Variants in ZFX observed in about 807,000 individuals in gnomAD.
The protein encoded by ZFX is zinc finger X-chromosomal protein.
For missense variants in ZFX, 362 were observed against 628.3 expected, an observed-to-expected ratio of 0.58 and a Z score of 4.53; for synonymous variants, 196 against 226.8, an observed-to-expected ratio of 0.86 and a Z score of 1.22.
At chrX:24,202,691 C>T (rs1206134135) in intron 5 of ZFX, among the ~76,000 whole-genome samples, 1 of 111,989 alleles carries the variant, frequency 8.9e-6, no homozygotes, top group Non-Finnish European at 1.9e-5. Context: ...CCTCACACTG[C>T]AGATTCTCAC....
At chrX:24,180,636 G>A (rs1935603517) in intron 5 of ZFX, among the ~76,000 whole-genome samples, 1 of 111,630 alleles carries the variant, frequency 9.0e-6, no homozygotes, top group South Asian at 3.7e-4. Context: ...GCCTGCCTTG[G>A]CCTTCCAAAG....
intron 5 of ZFX, 81 bp from the exon 6 acceptor site, chrX:24,207,245 A>ATTT (rs78241704): frequency 0.04 from 29,548 of 734,846 alleles, 290 homozygotes; most frequent in Middle Eastern, 0.055. Flanking sequence ...AAAAAAAAAA[A>ATTT]TTTTTTTTTT....
chrX:24,159,600 G>T (rs1351178745), intron 3 of ZFX, among the ~76,000 whole-genome samples: 1 of 110,783 alleles, frequency 9.0e-6, no homozygotes, highest in African/African-American at 3.3e-5. Flanking sequence ...TCAGCCTCCT[G>T]AGTAGCTGGA....
rs891753202 is a variant in ZFX at position 24,214,332 on chromosome X, G to C, written c.*2956G>C. The C allele has an allele frequency of 5.4e-5, 6 of 111,566 alleles. No individual in the cohort carries two copies. Among genetic ancestry groups the C allele is most frequent in the Non-Finnish European group, 1.1e-4 (6 of 52,949 alleles). 9.2% of individuals were successfully genotyped at this position (111,566 alleles called of 1,213,427 possible). Reference sequence around the variant, plus strand: ...AATACATAAAAAGAAAATCATATAGGGATGTGTGACATTATTGTAATTGTG... The same window carrying C: ...AATACATAAAAAGAAAATCATATAGCGATGTGTGACATTATTGTAATTGTG... On this transcript the variant is annotated 3_prime_UTR_variant, in exon 10 of 10. Transcript: ENST00000304543.
chrX:24,185,796 TGGC>T (rs1936059326), intron 5 of ZFX, among the ~76,000 whole-genome samples: 1 of 111,519 alleles, frequency 9.0e-6, no homozygotes, highest in Non-Finnish European at 1.9e-5. Context: ...TCGGGCACAA[TGGC>T]TTATGCCTGT....
intron 5 of ZFX, among the ~76,000 whole-genome samples, chrX:24,185,908 T>G (rs1308492932): frequency 2.8e-5 from 3 of 109,023 alleles, no homozygotes; most frequent in Non-Finnish European, 5.7e-5. Flanking sequence ...TACTCCAGCC[T>G]GGGCGACAGA....
At chrX:24,153,658 G>A (rs1172451708) in intron 3 of ZFX, among the ~76,000 whole-genome samples, 2 of 111,530 alleles carry the variant, frequency 1.8e-5, no homozygotes, top group Admixed American at 1.9e-4. Flanking sequence ...AACTCTCTGT[G>A]CCTTCTCTGT....
intron 5 of ZFX, among the ~76,000 whole-genome samples, chrX:24,182,089 G>A (rs1409538066): frequency 8.1e-5 from 9 of 110,832 alleles, no homozygotes; most frequent in Admixed American, 3.9e-4. Context: ...ATGACCCTAA[G>A]TGTTCTACCT....
At chrX:24,203,299 G>A (rs1937423171) in intron 5 of ZFX, among the ~76,000 whole-genome samples, 1 of 112,067 alleles carries the variant, frequency 8.9e-6, no homozygotes. Flanking sequence ...CATTACTGCA[G>A]TAGACTCAGG....
chrX:24,211,970 C>T lies in ZFX; in HGVS notation c.*594C>T, dbSNP rs753740831. The T allele has an allele frequency of 2.7e-5, 3 of 112,870 alleles. No homozygotes were observed. The highest frequency in any genetic ancestry group is 3.6e-4 in the South Asian group (1 of 2,749). The allele number at this position is 112,870 out of a possible 1,213,427, so 9.3% of individuals were successfully genotyped here. A position where few individuals can be genotyped will look rare whatever the true frequency, so the allele number is the denominator to read the frequency against. ...CTGAGTAAAGAGCAGTGGCTGGGTT[C>T]GTGTTTACTTTTCAAATATACTTCT... On this transcript the variant is annotated 3_prime_UTR_variant, in exon 10 of 10. Coordinates refer to ENST00000304543, the MANE Select transcript of ZFX (RefSeq NM_003410.4).
At chrX:24,159,325 G>T (rs1198566799) in intron 3 of ZFX, among the ~76,000 whole-genome samples, 1 of 112,052 alleles carries the variant, frequency 8.9e-6, no homozygotes, top group Non-Finnish European at 1.9e-5. Context: ...TCGATTCCCG[G>T]ATATTCGCAT....
At chrX:24,152,423 G>A (rs948834623) in intron 2 of ZFX, among the ~76,000 whole-genome samples, 5 of 111,502 alleles carry the variant, frequency 4.5e-5, no homozygotes, top group African/African-American at 1.6e-4. Flanking sequence ...ATGAACCACC[G>A]TGCCCTGCCT....
chrX:24,168,468 A>T (rs1934215215), intron 3 of ZFX, among the ~76,000 whole-genome samples: 1 of 110,976 alleles, frequency 9.0e-6, no homozygotes, highest in Non-Finnish European at 1.9e-5. Context: ...CAAATAAATT[A>T]TATCTGTGAT....
intron 3 of ZFX, among the ~76,000 whole-genome samples, chrX:24,170,614 T>A (rs1934497571): frequency 1.0e-5 from 1 of 99,695 alleles, no homozygotes; most frequent in Admixed American, 1.1e-4. Context: ...TTTAATTTTT[T>A]TTTTTTTTTT....
Position 24,211,566 on chromosome X carries a change from TTTG to T in ZFX, c.*193_*195del. 1 of 480,487 alleles carries T rather than the reference TTTG, an allele frequency of 2.1e-6. No homozygotes were observed. Among genetic ancestry groups the T allele is most frequent in the African/African-American group, 2.4e-5 (1 of 41,670 alleles). 39.6% of individuals were successfully genotyped at this position (480,487 alleles called of 1,213,427 possible). ...GTAGTGTGTTCTGAATTCTATTCAG[TTTG>T]TTTAATAAATAGGGAAAACTGGCAA... On this transcript the variant is annotated 3_prime_UTR_variant, in exon 10 of 10. Coordinates refer to ENST00000304543, the MANE Select transcript of ZFX (RefSeq NM_003410.4).
intron 3 of ZFX, among the ~76,000 whole-genome samples, chrX:24,156,687 C>T (rs1264598423): frequency 6.9e-5 from 5 of 72,663 alleles, no homozygotes; most frequent in East Asian, 5.4e-4. Flanking sequence ...CGGAGTTTTG[C>T]TCTGTCGCCC....
intron 5 of ZFX, among the ~76,000 whole-genome samples, chrX:24,195,784 G>T (rs1028525755): frequency 8.9e-6 from 1 of 112,060 alleles, no homozygotes; most frequent in Non-Finnish European, 1.9e-5. Context: ...GAGCCACCAC[G>T]CCCGGCCACT....
chrX:24,176,464 A>T (rs1403497973), intron 4 of ZFX, among the ~76,000 whole-genome samples: 4 of 51,763 alleles, frequency 7.7e-5, no homozygotes, highest in Non-Finnish European at 1.3e-4. Flanking sequence ...AGACAGTCTT[A>T]CTCTGTCGCC....
chrX:24,199,027 G>A (rs1255819618), intron 5 of ZFX, among the ~76,000 whole-genome samples: 2 of 110,919 alleles, frequency 1.8e-5, no homozygotes, highest in Admixed American at 9.6e-5. Context: ...AGCATTAGGC[G>A]GTAAGAGGAG....
Sources: allele counts gnomAD v4.1 joint callset (sites outside exome capture counted in the v4.1 genomes callset), GRCh38; gene constraint gnomAD v4.1.1; transcripts MANE v1.5; gene names NCBI Gene and HGNC (gene_info 2026-07-23, HGNC 2026-07-21).